The following GSTP1 variants were observed in gnomAD, a reference collection of about 807,000 sequenced individuals.
GSTP1 encodes glutathione S-transferase P.
In GSTP1, 28 loss-of-function variants were observed where a neutral mutation model predicts 29.4. That is an observed-to-expected ratio of 0.95 (90% CI 0.71 to 1.30). GSTP1 has a LOEUF of 1.30. Ranked by LOEUF, GSTP1 falls within the 50% of genes most tolerant of loss-of-function variation. GSTP1 has a pLI of 0.00. For missense variants in GSTP1, 267 were observed against 266.1 expected, an observed-to-expected ratio of 1.00 and a Z score of -0.02; for synonymous variants, 122 against 117.0, an observed-to-expected ratio of 1.04 and a Z score of -0.28.
At chr11:67,584,613 TAG>T in intron 3 of GSTP1, 43 bp downstream of exon 3, 1 of 1,565,924 alleles carries the variant, frequency 6.4e-7, no homozygotes, top group South Asian at 1.1e-5. Flanking sequence ...TGCTGGGCCT[TAG>T]GGGGCTGTGA....
Position 67,584,142 on chromosome 11 carries a change from T to A in GSTP1, c.10T>A (p.Tyr4Asn). 6.2e-7 allele frequency: 1 copy of A among 1,612,968 alleles called. No homozygotes were observed. The highest frequency in any genetic ancestry group is 2.2e-5 in the East Asian group (1 of 44,810). The change falls in exon 2 of 7, where the codon TAC becomes AAC. Residue 4 changes from tyrosine to asparagine, a missense_variant. Tyr to Asn is a moderately radical substitution (Grantham distance 143). Transcript: ENST00000398606. ...TTCTTTGTTCGCTGCAGTGCCGCCC[T>A]ACACCGTGGTCTATTTCCCAGTTCG... Reference protein sequence around the residue: MPPYTVVYFPVRGR... With the variant: MPPNTVVYFPVRGR...
Position 67,584,472 on chromosome 11 carries a change from G to A in GSTP1, c.46G>A (p.Ala16Thr), listed in dbSNP as rs774305853. 44 of 1,522,234 alleles carry A rather than the reference G, an allele frequency of 2.9e-5. No homozygotes were observed. The South Asian group carries it at 5.0e-4, about 17-fold the overall frequency. The allele number at this position is 1,522,234 out of a possible 1,614,324, so 94.3% of individuals were successfully genotyped here. Residue 16 changes from alanine to threonine, a missense_variant, in exon 3 of 7, where the codon GCG becomes ACG. By Grantham distance (58) the Ala-to-Thr change is moderately conservative (BLOSUM62 0). Transcript: ENST00000398606. Reference sequence around the variant, plus strand: ...CTTCTCCCTCCCCGCAGGCCGCTGCGCGGCCCTGCGCATGCTGCTGGCAGA... The same window carrying A: ...CTTCTCCCTCCCCGCAGGCCGCTGCACGGCCCTGCGCATGCTGCTGGCAGA... ...VVYFPVRGRC[A>T]ALRMLLADQG...
At position 67,584,535 on chromosome 11, in the gene GSTP1, G is replaced by T. The variant is rs1283707278; in HGVS notation, c.109G>T (p.Glu37Ter). The T allele has an allele frequency of 1.9e-6, 3 of 1,597,350 alleles. No homozygotes were observed. Among genetic ancestry groups the T allele is most frequent in the Non-Finnish European group, 2.6e-6 (3 of 1,172,606 alleles). The change falls in exon 3 of 7, where the codon GAG becomes TAG. Residue 37 changes from glutamate to a stop codon, truncating the protein, a stop_gained. Transcript: ENST00000398606. LOFTEE classifies it high-confidence loss of function. ...CTGGAAGGAGGAGGTGGTGACCGTGGAGACGTGGCAGGAGGGCTCACTCAA... is the reference window on the plus strand; with the variant it reads ...CTGGAAGGAGGAGGTGGTGACCGTGTAGACGTGGCAGGAGGGCTCACTCAA... ...QSWKEEVVTVETWQEGSLKAS... is the reference protein window; with the variant it reads ...QSWKEEVVTV
chr11:67,584,701 C>G lies in GSTP1; in HGVS notation c.161C>G (p.Pro54Arg), dbSNP rs1217728595. Residue 54 changes from proline to arginine, a missense_variant, in exon 4 of 7, where the codon CCC (proline) becomes CGC (arginine). By Grantham distance (103) the Pro-to-Arg change is moderately radical. Transcript: ENST00000398606. The part of the protein sequence containing the change: ...LKASCLYGQL[P>R]KFQDGDLTLY... ...CCCCAACAGCTATACGGGCAGCTCC[C>G]CAAGTTCCAGGACGGAGACCTCACC... 6.2e-7 allele frequency: 1 copy of G among 1,613,798 alleles called. No individual in the cohort carries two copies. Among genetic ancestry groups the G allele is most frequent in the Admixed American group, 1.7e-5 (1 of 60,022 alleles).
At chr11:67,585,110 C>T (rs749715779) in intron 4 of GSTP1, 28 bp from the exon 5 acceptor site, 19 of 1,446,868 alleles carry the variant, frequency 1.3e-5, no homozygotes, top group South Asian at 4.6e-5. Context: ...CCCAGTCACG[C>T]GGCCTGCTCC....
At chr11:67,585,681 G>C (rs1180034103) in intron 5 of GSTP1, among the ~76,000 whole-genome samples, 1 of 123,134 alleles carries the variant, frequency 8.1e-6, no homozygotes, top group Non-Finnish European at 1.8e-5. Flanking sequence ...GCGTGTGCAT[G>C]TGTGTGCGTG....
chr11:67,584,493 G>A lies in GSTP1; in HGVS notation c.67G>A (p.Ala23Thr). The A allele has an allele frequency of 6.4e-7, 1 of 1,559,584 alleles. No homozygotes were observed. The highest frequency in any genetic ancestry group is 1.2e-5 in the South Asian group (1 of 85,912). Residue 23 changes from alanine to threonine, a missense_variant, in exon 3 of 7, where the codon GCA (alanine) becomes ACA (threonine). Ala to Thr is a moderately conservative substitution (Grantham distance 58, BLOSUM62 0). Coordinates refer to ENST00000398606, the MANE Select transcript of GSTP1 (RefSeq NM_000852.4). The part of the protein sequence containing the change: ...GRCAALRMLL[A>T]DQGQSWKEEV... The stretch of plus-strand genomic sequence containing the variant: ...CTGCGCGGCCCTGCGCATGCTGCTG[G>A]CAGATCAGGGCCAGAGCTGGAAGGA...
At chr11:67,586,337 A>G (rs957089120) in intron 6 of GSTP1, 52 bp from the exon 7 acceptor site, 32 of 1,577,576 alleles carry the variant, frequency 2.0e-5, no homozygotes, top group Middle Eastern at 1.7e-4. Context: ...TCTGCCCCCA[A>G]TTCCTCCAGC....
chr11:67,584,456 C>A lies in GSTP1; in HGVS notation c.38-8C>A. On this transcript the variant is annotated splice_region_variant and splice_polypyrimidine_tract_variant and intron_variant, in intron 2 of 6. Transcript: ENST00000398606. ...GTCCCCACATCTCGTACTTCTCCCT[C>A]CCCGCAGGCCGCTGCGCGGCCCTGC... 1 of 1,468,962 alleles carries A rather than the reference C, an allele frequency of 6.8e-7. No individual in the cohort carries two copies. The highest frequency in any genetic ancestry group is 1.4e-5 in the African/African-American group (1 of 70,646). 91.0% of individuals were successfully genotyped at this position (1,468,962 alleles called of 1,614,324 possible).
In GSTP1 at chr11:67,586,463, G is replaced by T. The variant is rs567508164; in HGVS notation, c.519G>T (p.Ala173=). 15 of 1,614,142 alleles carry T rather than the reference G, an allele frequency of 9.3e-6. No homozygotes were observed. Among genetic ancestry groups the T allele is most frequent in the Non-Finnish European group, 1.1e-5 (13 of 1,180,004 alleles). ...TCCTAGCCCCTGGCTGCCTGGATGC[G>T]TTCCCCCTGCTCTCAGCATATGTGG... ...HEVLAPGCLD[A]FPLLSAYVGR... is the part of the protein sequence containing the mutation. Residue 173 remains alanine, a synonymous_variant, in exon 7 of 7, where the codon GCG becomes GCT. Coordinates refer to ENST00000398606, the MANE Select transcript of GSTP1 (RefSeq NM_000852.4).
chr11:67,584,904 G>T, intron 4 of GSTP1, 132 bp downstream of exon 4: 3 of 758,922 alleles, frequency 4.0e-6, no homozygotes, highest in South Asian at 1.6e-5. Context: ...TACGTAGTTT[G>T]CCCAAGGTCA....
rs1867418814 is a variant in GSTP1, at chr11:67,583,838, G to A, written c.-6G>A. 1 of 748,640 alleles carries A rather than the reference G, an allele frequency of 1.3e-6. No individual in the cohort carries two copies. The highest frequency in any genetic ancestry group is 2.5e-5 in the East Asian group (1 of 39,934). The allele number at this position is 748,640 out of a possible 1,614,324, so 46.4% of individuals were successfully genotyped here. A position where few individuals can be genotyped will look rare whatever the true frequency, so the allele number is the denominator to read the frequency against. ...CTGGAGTTTCGCCGCCGCAGTCTTC[G>A]CCACCAGTGAGTACGCGCGGCCCGC... On this transcript the variant is annotated 5_prime_UTR_variant, in exon 1 of 7. Coordinates refer to ENST00000398606, the MANE Select transcript of GSTP1 (RefSeq NM_000852.4).
In GSTP1 at chr11:67,584,181, T is replaced by C; in HGVS notation, c.37+12T>C. 1 of 1,608,254 alleles carries C rather than the reference T, an allele frequency of 6.2e-7. No homozygotes were observed. Among genetic ancestry groups the C allele is most frequent in the Non-Finnish European group, 8.5e-7 (1 of 1,174,816 alleles). ...TTTCCCAGTTCGAGGTAGGAGCATG[T>C]GTCTGGCAGGGAAGGGAGGCAGGGG... On this transcript the variant is annotated intron_variant, in intron 2 of 6. Transcript: ENST00000398606.
intron 5 of GSTP1, 93 bp downstream of exon 5, chr11:67,585,334 C>G: frequency 1.2e-6 from 1 of 847,082 alleles, no homozygotes; most frequent in African/African-American, 1.7e-5. Context: ...GTGGCTTGGG[C>G]TGACCCCTTC....
At position 67,583,831 on chromosome 11, in the gene GSTP1, A is replaced by C. The variant is rs1555021976; in HGVS notation, c.-13A>C. The C allele has an allele frequency of 8.7e-5, 65 of 746,566 alleles. No homozygotes were observed. The South Asian group carries it at 9.0e-4, about 10-fold the overall frequency. The allele number at this position is 746,566 out of a possible 1,614,324, so 46.2% of individuals were successfully genotyped here. On this transcript the variant is annotated 5_prime_UTR_variant, in exon 1 of 7. Coordinates refer to ENST00000398606, the MANE Select transcript of GSTP1 (RefSeq NM_000852.4). ...GCCTTCGCTGGAGTTTCGCCGCCGC[A>C]GTCTTCGCCACCAGTGAGTACGCGC...
In GSTP1 at chr11:67,586,119, G is replaced by A. The variant is rs1867462978; in HGVS notation, c.352G>A (p.Asp118Asn). Residue 118 changes from aspartate (D) to asparagine (N), a missense_variant, in exon 6 of 7, where the codon GAC becomes AAC. Physicochemically the swap from Asp to Asn is conservative, Grantham distance 23 (BLOSUM62 1). Transcript: ENST00000398606. The stretch of plus-strand genomic sequence containing the variant: ...TGTCTGGCAGGAGGCGGGCAAGGAT[G>A]ACTATGTGAAGGCACTGCCCGGGCA... ...IYTNYEAGKD[D>N]YVKALPGQLK... 1 of 1,613,514 alleles carries A rather than the reference G, an allele frequency of 6.2e-7. No homozygotes were observed. Among genetic ancestry groups the A allele is most frequent in the Non-Finnish European group, 8.5e-7 (1 of 1,179,556 alleles).
intron 4 of GSTP1, 43 bp downstream of exon 4, chr11:67,584,815 C>A (rs750002539): frequency 2.9e-6 from 4 of 1,395,410 alleles, no homozygotes; most frequent in Non-Finnish European, 4.1e-6. Context: ...ATGGGCAAGC[C>A]TCTGCCCCCG....
intron 1 of GSTP1, 99 bp from the exon 2 acceptor site, chr11:67,584,035 G>A: frequency 1.0e-6 from 1 of 986,812 alleles, no homozygotes. Context: ...GCCTCGGGGA[G>A]GGATGGGACC....
At chr11:67,584,439 A>AT (rs1565218234) in intron 2 of GSTP1, 25 bp from the exon 3 acceptor site, 6 of 1,348,088 alleles carry the variant, frequency 4.5e-6, no homozygotes, top group Non-Finnish European at 6.1e-6. Context: ...CGGTCCCCAC[A>AT]TCTCGTACTT....
Sources: allele counts gnomAD v4.1 joint callset (sites outside exome capture counted in the v4.1 genomes callset), GRCh38; gene constraint gnomAD v4.1.1; transcripts MANE v1.5; gene names NCBI Gene and HGNC (gene_info 2026-07-23, HGNC 2026-07-21).